The following MBLAC2 variants were observed in gnomAD, a reference collection of about 807,000 sequenced individuals.
MBLAC2 encodes the protein acyl-coenzyme A thioesterase MBLAC2.
In MBLAC2, 24 loss-of-function variants were observed where a neutral mutation model predicts 23.3. That is an observed-to-expected ratio of 1.03 (90% CI 0.75 to 1.45). The LOEUF is 1.45. Among genes scored for constraint, MBLAC2 ranks in the 40% most tolerant of loss-of-function variants. The pLI is 0.00. For missense variants in MBLAC2, 358 were observed against 370.0 expected (o/e 0.97, Z 0.27); for synonymous variants, 162 against 150.9 (o/e 1.07, Z -0.54).
rs1341258874 is a variant in MBLAC2 at position 90,473,921 on chromosome 5, C to T, written c.372G>A (p.Glu124=). Residue 124 remains glutamate, a synonymous_variant, in exon 1 of 2, where the codon GAG becomes GAA. Coordinates refer to ENST00000316610, the MANE Select transcript of MBLAC2 (RefSeq NM_203406.2). The part of the protein sequence containing the change: ...FETVTWLSDS[E]VVRTPSPGWR... ...AGCCGGGGCTGGGCGTCCGCACCAC[C>T]TCGCTATCGGAAAGCCAGGTCACGG... 8.1e-6 allele frequency: 13 copies of T among 1,605,374 alleles called. No homozygotes were observed. The South Asian group carries it at 1.3e-4, about 17-fold the overall frequency.
intron 1 of MBLAC2, among the ~76,000 whole-genome samples, chr5:90,465,796 G>A (rs1345752218): frequency 6.6e-6 from 1 of 152,038 alleles, no homozygotes; most frequent in East Asian, 1.9e-4. Flanking sequence ...TATACTCCTG[G>A]CCTTAAATGA....
chr5:90,471,755 ATTATG>A (rs1750551892), intron 1 of MBLAC2: 1 of 152,228 alleles, frequency 6.6e-6, no homozygotes, highest in Non-Finnish European at 1.5e-5. Context: ...AGGCACCTGG[ATTATG>A]TTAACAGCAA....
At chr5:90,469,180 G>A (rs1359990884) in intron 1 of MBLAC2, among the ~76,000 whole-genome samples, 1 of 152,114 alleles carries the variant, frequency 6.6e-6, no homozygotes, top group African/African-American at 2.4e-5. Flanking sequence ...TGGCCAGGCT[G>A]GTCTTGAACT....
At position 90,474,280 on chromosome 5, in the gene MBLAC2, C is replaced by A. The variant is rs754982323; in HGVS notation, c.13G>T (p.Glu5Ter). The change falls in exon 1 of 2, where the codon GAG becomes TAG. Residue 5 changes from glutamate to a stop codon, truncating the protein, a stop_gained. Coordinates refer to ENST00000316610, the MANE Select transcript of MBLAC2 (RefSeq NM_203406.2). LOFTEE classifies it high-confidence loss of function. ...CCTAGAGACTTGTGGGCGTACCACTCGAGCGCCGACATGCTGGGCAGGGGT... is the reference window on the plus strand; with the variant it reads ...CCTAGAGACTTGTGGGCGTACCACTAGAGCGCCGACATGCTGGGCAGGGGT... MSAL[E>*]WYAHKSLGDG... 9 of 1,612,962 alleles carry A rather than the reference C, an allele frequency of 5.6e-6. No individual in the cohort carries two copies. The highest frequency in any genetic ancestry group is 1.6e-4 in the Middle Eastern group (1 of 6,076).
At chr5:90,467,254 CCTGT>C (rs1465531125) in intron 1 of MBLAC2, among the ~76,000 whole-genome samples, 4 of 152,196 alleles carry the variant, frequency 2.6e-5, no homozygotes, top group Admixed American at 6.5e-5. Flanking sequence ...ATCTTGATGA[CCTGT>C]CTAGTACTGT....
Position 90,460,953 on chromosome 5 carries a change from G to A in MBLAC2, c.*214C>T, listed in dbSNP as rs1750356483. 1 of 433,954 alleles carries A rather than the reference G, an allele frequency of 2.3e-6. No homozygotes were observed. The highest frequency in any genetic ancestry group is 4.9e-5 in the South Asian group (1 of 20,328). The allele number at this position is 433,954 out of a possible 1,614,324, so 26.9% of individuals were successfully genotyped here. On this transcript the variant is annotated 3_prime_UTR_variant, in exon 2 of 2. Coordinates refer to ENST00000316610, the MANE Select transcript of MBLAC2 (RefSeq NM_203406.2). ...GCATATATTACAAGATGACAGCTTT[G>A]GCAAAGTATAAGCTTATTTAAGTGG...
At position 90,459,556 on chromosome 5, in the gene MBLAC2, T is replaced by A. The variant is rs1750325413; in HGVS notation, c.*1611A>T. The stretch of plus-strand genomic sequence containing the variant: ...CCAAATTTGACTCAAAAACCCCTCC[T>A]CCAGTAAACTTTGCCTAACCAAAGT... On this transcript the variant is annotated 3_prime_UTR_variant, in exon 2 of 2. Coordinates refer to ENST00000316610, the MANE Select transcript of MBLAC2 (RefSeq NM_203406.2). 1 of 152,112 alleles carries A rather than the reference T, an allele frequency of 6.6e-6. No homozygotes were observed. The highest frequency in any genetic ancestry group is 1.5e-5 in the Non-Finnish European group (1 of 67,978). The allele number at this position is 152,112 out of a possible 1,614,324, so 9.4% of individuals were successfully genotyped here. A position where few individuals can be genotyped will look rare whatever the true frequency, so the allele number is the denominator to read the frequency against.
intron 1 of MBLAC2, among the ~76,000 whole-genome samples, chr5:90,467,402 T>G (rs551058119): frequency 6.6e-6 from 1 of 152,330 alleles, no homozygotes; most frequent in Admixed American, 6.5e-5. Flanking sequence ...TTGTGATATT[T>G]TCCTGTTGGA....
intron 1 of MBLAC2, 193 bp downstream of exon 1, chr5:90,473,646 G>A (rs1750612680): frequency 4.3e-6 from 3 of 701,946 alleles, no homozygotes; most frequent in Non-Finnish European, 7.7e-6. Context: ...CTGGTCTCTG[G>A]CAGGGAAGGC....
intron 1 of MBLAC2, chr5:90,472,503 C>T (rs1357327011): frequency 6.6e-6 from 1 of 151,292 alleles, no homozygotes; most frequent in Non-Finnish European, 1.5e-5. Context: ...CAGAATCTTG[C>T]AATTTTTTTT....
Position 90,461,509 on chromosome 5 carries a change from G to A in MBLAC2, c.498C>T (p.His166=), listed in dbSNP as rs1461225055. 6.2e-7 allele frequency: 1 copy of A among 1,613,480 alleles called. No individual in the cohort carries two copies. The highest frequency in any genetic ancestry group is 1.3e-5 in the African/African-American group (1 of 74,884). ...NLGDRQLTVM[H]MPGHSRGSIC... ...TACTGCCCCTGGAGTGACCTGGCAT[G>A]TGCATAACAGTGAGCTGTCTGTCAC... Residue 166 remains histidine, a synonymous_variant, in exon 2 of 2, where the codon CAC becomes CAT. Coordinates refer to ENST00000316610, the MANE Select transcript of MBLAC2 (RefSeq NM_203406.2).
In MBLAC2 at chr5:90,474,538, C is replaced by T. The variant is rs866529773; in HGVS notation, c.-246G>A. ...CGGCAGCAAGCAGAGGCTGCGCCAC[C>T]AGCACGGGGGCGCAGGAGCTACCGC... On this transcript the variant is annotated 5_prime_UTR_variant, in exon 1 of 2. Transcript: ENST00000316610. 1.3e-5 allele frequency: 7 copies of T among 527,876 alleles called. No homozygotes were observed. The highest frequency in any genetic ancestry group is 3.6e-5 in the Admixed American group (1 of 27,720). The allele number at this position is 527,876 out of a possible 1,614,324, so 32.7% of individuals were successfully genotyped here.
rs959108571 is a variant in MBLAC2, at chr5:90,474,146, C to T, written c.147G>A (p.Gly49=). The change falls in exon 1 of 2, where the codon GGG becomes GGA. Residue 49 remains glycine (G), a synonymous_variant. Coordinates refer to ENST00000316610, the MANE Select transcript of MBLAC2 (RefSeq NM_203406.2). ...ACAGGTACTCCGGGAGGCTGCGCAG[C>T]CCCAGGCCTGTATCGATCACCACGT... ...EQDVVIDTGL[G]LRSLPEYLYS... is the part of the protein sequence containing the mutation. The T allele has an allele frequency of 3.1e-6, 5 of 1,593,118 alleles. No homozygotes were observed. The highest frequency in any genetic ancestry group is 2.6e-6 in the Non-Finnish European group (3 of 1,169,712).
At position 90,460,131 on chromosome 5, in the gene MBLAC2, T is replaced by C. The variant is rs1750343083; in HGVS notation, c.*1036A>G. 6.6e-6 allele frequency: 1 copy of C among 152,530 alleles called. No homozygotes were observed. Among genetic ancestry groups the C allele is most frequent in the South Asian group, 2.1e-4 (1 of 4,832 alleles). The allele number at this position is 152,530 out of a possible 1,614,324, so 9.4% of individuals were successfully genotyped here. On this transcript the variant is annotated 3_prime_UTR_variant, in exon 2 of 2. Coordinates refer to ENST00000316610, the MANE Select transcript of MBLAC2 (RefSeq NM_203406.2). ...CAAGACAAAGAATACTGAACAGGAATAGGTGTTGTGAATCAGGATACAAAA... is the reference window on the plus strand; with the variant it reads ...CAAGACAAAGAATACTGAACAGGAACAGGTGTTGTGAATCAGGATACAAAA...
intron 1 of MBLAC2, chr5:90,472,841 T>G (rs1750583931): frequency 6.6e-6 from 1 of 152,226 alleles, no homozygotes; most frequent in Non-Finnish European, 1.5e-5. Context: ...TATCCTAGCT[T>G]TTATCATGAT....
chr5:90,474,348 G>T lies in MBLAC2; in HGVS notation c.-56C>A. On this transcript the variant is annotated 5_prime_UTR_variant, in exon 1 of 2. Coordinates refer to ENST00000316610, the MANE Select transcript of MBLAC2 (RefSeq NM_203406.2). ...GTGTGGGCGTGCGAGTCTCCCACAG[G>T]CTGTCCACACACAGGGCACTGCGGC... 1 of 1,500,294 alleles carries T rather than the reference G, an allele frequency of 6.7e-7. No homozygotes were observed. The highest frequency in any genetic ancestry group is 9.2e-7 in the Non-Finnish European group (1 of 1,085,518). The allele number at this position is 1,500,294 out of a possible 1,614,324, so 92.9% of individuals were successfully genotyped here. A position where few individuals can be genotyped will look rare whatever the true frequency, so the allele number is the denominator to read the frequency against.
At chr5:90,468,697 A>C (rs1365660479) in intron 1 of MBLAC2, among the ~76,000 whole-genome samples, 2 of 152,130 alleles carry the variant, frequency 1.3e-5, no homozygotes, top group African/African-American at 4.8e-5. Flanking sequence ...AGACTCAGTA[A>C]ATTTAAGAAA....
chr5:90,472,369 A>G (rs945061958), intron 1 of MBLAC2: 8 of 152,176 alleles, frequency 5.3e-5, no homozygotes, highest in African/African-American at 1.4e-4. Context: ...GTGAATTAAA[A>G]TTTAATGTAC....
chr5:90,474,215 C>G lies in MBLAC2; in HGVS notation c.78G>C (p.Ser26=), dbSNP rs781676466. The G allele has an allele frequency of 1.9e-6, 3 of 1,612,542 alleles. No homozygotes were observed. Among genetic ancestry groups the G allele is most frequent in the Admixed American group, 3.3e-5 (2 of 59,784 alleles). ...CCAGCCAGATGTTGGCACGGTTGCC[C>G]GACTCGTAGAAACGTTCTTGAATCC... ...IFWIQERFYE[S]GNRANIWLVR... is the part of the protein sequence containing the mutation. The change falls in exon 1 of 2, where the codon TCG becomes TCC. Residue 26 remains serine (S), a synonymous_variant. Coordinates refer to ENST00000316610, the MANE Select transcript of MBLAC2 (RefSeq NM_203406.2).
Sources: allele counts gnomAD v4.1 joint callset (sites outside exome capture counted in the v4.1 genomes callset), GRCh38; gene constraint gnomAD v4.1.1; transcripts MANE v1.5; gene names NCBI Gene and HGNC (gene_info 2026-07-23, HGNC 2026-07-21).